The following FAM78B variants were observed in gnomAD, a reference collection of about 807,000 sequenced individuals.
The protein encoded by FAM78B is family with sequence similarity 78 member B.
Under a neutral mutation model 20.0 loss-of-function variants are expected in FAM78B, and 10 were observed. That is an observed-to-expected ratio of 0.50 (90% CI 0.31 to 0.85). FAM78B has a LOEUF of 0.85. FAM78B is among the 40% of genes least tolerant of loss of function. The probability of loss-of-function intolerance (pLI) is 0.05; values close to 1 mark genes in which losing one functional copy is unlikely to be tolerated. For missense variants in FAM78B, 283 were observed against 345.0 expected (o/e 0.82, Z 1.42); for synonymous variants, 135 against 132.8 (o/e 1.02, Z -0.12).
chr1:166,099,337 GT>G (rs1653409644), intron 1 of FAM78B, among the ~76,000 whole-genome samples: 1 of 152,052 alleles, frequency 6.6e-6, no homozygotes, highest in Non-Finnish European at 1.5e-5. Context: ...AAAAATACAA[GT>G]TAAAAAGCAA....
chr1:166,121,328 C>A (rs1654458910), intron 1 of FAM78B, among the ~76,000 whole-genome samples: 1 of 152,140 alleles, frequency 6.6e-6, no homozygotes, highest in South Asian at 2.1e-4. Flanking sequence ...TACACCCTCA[C>A]CTCGGTCACT....
At chr1:166,129,836 G>A (rs1459576216) in intron 1 of FAM78B, among the ~76,000 whole-genome samples, 1 of 152,094 alleles carries the variant, frequency 6.6e-6, no homozygotes, top group Admixed American at 6.6e-5. Context: ...CTAATCCATT[G>A]CCACATGACC....
rs1656413628 is a variant in FAM78B, at chr1:166,166,695, C to T, written c.-447G>A. 1 of 149,602 alleles carries T rather than the reference C, an allele frequency of 6.7e-6. No homozygotes were observed. Among genetic ancestry groups the T allele is most frequent in the Non-Finnish European group, 1.5e-5 (1 of 67,016 alleles). 9.3% of individuals were successfully genotyped at this position (149,602 alleles called of 1,614,324 possible). A position where few individuals can be genotyped will look rare whatever the true frequency, so the allele number is the denominator to read the frequency against. ...GCAGCGCCCGGTCTGTCTGCCTCCG[C>T]GGCGGCAGCAGCAGCAGCCGCCGCC... On this transcript the variant is annotated 5_prime_UTR_variant, in exon 1 of 2. Transcript: ENST00000354422.
At chr1:166,065,451 C>T (rs1393577119), downstream of FAM78B, among the ~76,000 whole-genome samples, 2 of 152,134 alleles carry the variant, frequency 1.3e-5, no homozygotes, top group African/African-American at 4.8e-5. Flanking sequence ...CTATTAATAA[C>T]AACAATGACA....
intron 1 of FAM78B, among the ~76,000 whole-genome samples, chr1:166,125,168 C>T (rs1352573941): frequency 6.6e-6 from 1 of 152,146 alleles, no homozygotes; most frequent in Non-Finnish European, 1.5e-5. Flanking sequence ...GATTTTCACC[C>T]ATTAACTAAA....
intron 1 of FAM78B, among the ~76,000 whole-genome samples, chr1:166,164,498 T>C (rs1162483886): frequency 6.6e-6 from 1 of 152,268 alleles, no homozygotes; most frequent in Non-Finnish European, 1.5e-5. Context: ...AGCTGTCTTC[T>C]CTGGAAGAAT....
downstream of FAM78B, among the ~76,000 whole-genome samples, chr1:166,065,363 A>T (rs1353590139): frequency 6.6e-6 from 1 of 152,190 alleles, no homozygotes; most frequent in Non-Finnish European, 1.5e-5. Context: ...ATATTACAGG[A>T]TTGTTGAGGA....
intron 1 of FAM78B, among the ~76,000 whole-genome samples, chr1:166,117,800 G>C (rs1340811080): frequency 6.6e-6 from 1 of 152,138 alleles, no homozygotes; most frequent in Admixed American, 6.5e-5. Context: ...AGGGCTTCTG[G>C]GTGTCTGGGA....
rs140979225 is a variant in FAM78B at position 166,151,430 on chromosome 1, G to A, written c.263+14556C>T. Among the ~76,000 whole-genome samples the A allele has an allele frequency of 1.8e-3, 269 of 152,274 alleles. 1 individual carries two copies. In the South Asian group the frequency reaches 0.02, roughly 11 times the overall value. The stretch of plus-strand genomic sequence containing the variant: ...GACGTTTCAGGAAGCACCAGATGTT[G>A]AAGGTAAATCTTGAAAAAACCCTCC... On this transcript the variant is annotated intron_variant, in intron 1 of 1. Coordinates refer to ENST00000354422, the MANE Select transcript of FAM78B (RefSeq NM_001017961.5).
chr1:166,105,175 C>T (rs1286087734), intron 1 of FAM78B, among the ~76,000 whole-genome samples: 1 of 152,090 alleles, frequency 6.6e-6, no homozygotes, highest in Non-Finnish European at 1.5e-5. Context: ...AAACTGGATC[C>T]CTTCCTTACA....
intron 1 of FAM78B, among the ~76,000 whole-genome samples, chr1:166,111,099 T>C (rs2101758535): frequency 6.6e-6 from 1 of 152,296 alleles, no homozygotes; most frequent in Non-Finnish European, 1.5e-5. Flanking sequence ...ACGGGGCCAC[T>C]GTAGATAGGT....
At position 166,164,036 on chromosome 1, in the gene FAM78B, G is replaced by C. The variant is rs542106770; in HGVS notation, c.263+1950C>G. The stretch of plus-strand genomic sequence containing the variant: ...GGACATACCTTCCCTATAGATTCCA[G>C]GAAGTTCAACTACCATGTCTGTTTA... On this transcript the variant is annotated intron_variant, in intron 1 of 1. Transcript: ENST00000354422. 3.9e-5 allele frequency among the ~76,000 whole-genome samples: 6 copies of C among 152,332 alleles called. No homozygotes were observed. The South Asian group carries it at 1.0e-3, about 26-fold the overall frequency.
At chr1:166,150,999 C>T (rs1655650598) in intron 1 of FAM78B, among the ~76,000 whole-genome samples, 1 of 152,004 alleles carries the variant, frequency 6.6e-6, no homozygotes, top group African/African-American at 2.4e-5. Context: ...ATGGTATGAC[C>T]CAGAACTGGG....
At chr1:166,078,441 A>G (rs10800181) in intron 1 of FAM78B, among the ~76,000 whole-genome samples, 34,733 of 152,212 alleles carry the variant, frequency 0.23, 4,582 homozygotes, top group Middle Eastern at 0.31. Flanking sequence ...GCTCACAGCT[A>G]ATGGACTTGC....
In FAM78B at chr1:166,092,732, C is replaced by G. The variant is rs189545973; in HGVS notation, c.264-21969G>C. ...AGCACAGCTTTCATTTTAGGTCCAA[C>G]CATCCCAAACATACTCTTTAAATTT... On this transcript the variant is annotated intron_variant, in intron 1 of 1. Transcript: ENST00000354422. Among the ~76,000 whole-genome samples, 11 of 152,286 alleles carry G rather than the reference C, an allele frequency of 7.2e-5. No individual in the cohort carries two copies. In the East Asian group the frequency reaches 1.9e-3, roughly 27 times the overall value.
intron 1 of FAM78B, among the ~76,000 whole-genome samples, chr1:166,092,411 C>A (rs1228135133): frequency 6.6e-6 from 1 of 152,168 alleles, no homozygotes; most frequent in African/African-American, 2.4e-5. Context: ...CAAACGGGCC[C>A]CTCCAAGTGG....
At chr1:166,084,237 A>ACACACACACACACACACACACACACACT (rs771421402) in intron 1 of FAM78B, among the ~76,000 whole-genome samples, 6 of 125,406 alleles carry the variant, frequency 4.8e-5, no homozygotes, top group African/African-American at 1.8e-4. Context: ...ACACACACAC[A>ACACACACACACACACACACACACACACT]CTCTCTCTCT....
chr1:166,152,028 A>C (rs764861484), intron 1 of FAM78B, among the ~76,000 whole-genome samples: 5 of 152,182 alleles, frequency 3.3e-5, no homozygotes, highest in Non-Finnish European at 5.9e-5. Flanking sequence ...GATTATCTAG[A>C]GTCTCTGTCA....
chr1:166,058,862 T>C (rs1487997882), exon 3 of FAM78B: 1 of 152,426 alleles, frequency 6.6e-6, no homozygotes, highest in Non-Finnish European at 1.5e-5. Flanking sequence ...GAATGCACAG[T>C]AGCTGCTGCA....
Sources: allele counts gnomAD v4.1 joint callset (sites outside exome capture counted in the v4.1 genomes callset), GRCh38; gene constraint gnomAD v4.1.1; transcripts MANE v1.5; gene names NCBI Gene and HGNC (gene_info 2026-07-23, HGNC 2026-07-21).